Variants in TRMT2A observed in about 807,000 individuals in gnomAD.
The protein encoded by TRMT2A is tRNA methyltransferase 2A.
A neutral mutation model predicts 59.3 loss-of-function variants in TRMT2A; 60 were observed. The ratio of observed to expected loss-of-function variants is 1.01; its 90% CI spans 0.82 to 1.26. The LOEUF (loss-of-function observed/expected upper bound fraction) is 1.26, where lower values mean the gene tolerates loss of function less well. Among genes scored for constraint, TRMT2A ranks in the 50% most tolerant of loss-of-function variants. The pLI, the probability that TRMT2A is intolerant of heterozygous loss-of-function variation, is 0.00. For missense variants in TRMT2A, 863 were observed against 845.2 expected (o/e 1.02, Z -0.26); for synonymous variants, 403 against 353.7 (o/e 1.14, Z -1.56).
intron 9 of TRMT2A, 33 bp downstream of exon 9, chr22:20,113,399 A>T: frequency 1.4e-5 from 10 of 713,610 alleles, no homozygotes; most frequent in Non-Finnish European, 2.4e-5. Flanking sequence ...GGCTGCCCCC[A>T]TCCCCACCCC....
At chr22:20,114,379 C>G (rs1488998660) in intron 7 of TRMT2A, among the ~76,000 whole-genome samples, 195 bp downstream of exon 7, 1 of 152,244 alleles carries the variant, frequency 6.6e-6, no homozygotes, top group African/African-American at 2.4e-5. Context: ...AGGGCCACTG[C>G]CGTGTGTACC....
At position 20,115,262 on chromosome 22, in the gene TRMT2A, T is replaced by C. The variant is rs745493313; in HGVS notation, c.890+4A>G. Reference sequence around the variant, plus strand: ...TTCCCGGGAGCCCCGTCACAGGTCCTCACCGGATGAACTCCTGGAAGGCCT... The same window carrying C: ...TTCCCGGGAGCCCCGTCACAGGTCCCCACCGGATGAACTCCTGGAAGGCCT... On this transcript the variant is annotated splice_donor_region_variant and intron_variant, in intron 4 of 11. Coordinates refer to ENST00000252136, the MANE Select transcript of TRMT2A (RefSeq NM_022727.6). The C allele has an allele frequency of 3.1e-6, 5 of 1,609,878 alleles. No homozygotes were observed. Among genetic ancestry groups the C allele is most frequent in the African/African-American group, 1.3e-5 (1 of 74,856 alleles).
At chr22:20,116,716 A>G in intron 1 of TRMT2A, 104 bp from the exon 2 acceptor site, 1 of 1,435,260 alleles carries the variant, frequency 7.0e-7, no homozygotes, top group East Asian at 2.5e-5. Context: ...TGCACTCTGC[A>G]CTCAGCCCTG....
chr22:20,115,874 T>C, intron 2 of TRMT2A, 94 bp from the exon 3 acceptor site: 2 of 1,409,382 alleles, frequency 1.4e-6, no homozygotes, highest in African/African-American at 1.4e-5. Context: ...GACCCCTCCT[T>C]TGGGATGTCA....
Position 20,113,329 on chromosome 22 carries a change from C to T in TRMT2A, c.1433-95G>A. Reference sequence around the variant, plus strand: ...CCTAGCCAAAGAGCTTGCTCACTTGCTCTACCTGTCGGGCAGCCCCCAAGC... The same window carrying T: ...CCTAGCCAAAGAGCTTGCTCACTTGTTCTACCTGTCGGGCAGCCCCCAAGC... On this transcript the variant is annotated intron_variant, in intron 9 of 11. Transcript: ENST00000252136. The T allele has an allele frequency of 2.6e-6, 4 of 1,518,542 alleles. 1 individual carries two copies. The South Asian group carries it at 5.1e-5, about 19-fold the overall frequency. The allele number at this position is 1,518,542 out of a possible 1,614,324, so 94.1% of individuals were successfully genotyped here. A position where few individuals can be genotyped will look rare whatever the true frequency, so the allele number is the denominator to read the frequency against.
Position 20,116,435 on chromosome 22 carries a change from A to C in TRMT2A, c.202T>G (p.Phe68Val). ...TCCAGTTTAAAGATCTCAGAGGTAAACAAGTCATCCCTGATGTAGCTGTAG... is the reference window on the plus strand; with the variant it reads ...TCCAGTTTAAAGATCTCAGAGGTAACCAAGTCATCCCTGATGTAGCTGTAG... Reference protein sequence around the residue: ...GLYSYIRDDLFTSEIFKLELQ... With the variant: ...GLYSYIRDDLVTSEIFKLELQ... The change falls in exon 2 of 12, where the codon TTT becomes GTT. Residue 68 changes from phenylalanine (F) to valine (V), a missense_variant. Transcript: ENST00000252136. 6.2e-7 allele frequency: 1 copy of C among 1,612,648 alleles called. No homozygotes were observed. The highest frequency in any genetic ancestry group is 1.7e-5 in the Admixed American group (1 of 60,016).
Position 20,114,586 on chromosome 22 carries a change from G to A in TRMT2A, c.1221C>T (p.His407=), listed in dbSNP as rs759327973. 9.3e-5 allele frequency: 150 copies of A among 1,613,488 alleles called. No homozygotes were observed. Among genetic ancestry groups the A allele is most frequent in the Middle Eastern group, 4.9e-4 (3 of 6,084 alleles). The part of the protein sequence containing the change: ...LLGLTFRISP[H]AFFQVNTPAA... ...GACTCATGGCTACCTGGAAGAAGGCGTGTGGAGAGATCCGGAAGGTCAGCC... is the reference window on the plus strand; with the variant it reads ...GACTCATGGCTACCTGGAAGAAGGCATGTGGAGAGATCCGGAAGGTCAGCC... The change falls in exon 7 of 12, where the codon CAC becomes CAT. Residue 407 remains histidine, a synonymous_variant. Coordinates refer to ENST00000252136, the MANE Select transcript of TRMT2A (RefSeq NM_022727.6).
In TRMT2A at chr22:20,114,982, C is replaced by T. The variant is rs2049965606; in HGVS notation, c.988G>A (p.Ala330Thr). The T allele has an allele frequency of 6.3e-7, 1 of 1,595,616 alleles. No homozygotes were observed. The highest frequency in any genetic ancestry group is 8.5e-7 in the Non-Finnish European group (1 of 1,172,662). The part of the protein sequence containing the change: ...TSRRHQAMAI[A>T]YFHPQKLSPE... ...GTTGAGACCTGGGGGTGGAAGTAGG[C>T]AATGGCCATGGCCTGGTGGCGGCGG... The change falls in exon 5 of 12, where the codon GCC (alanine) becomes ACC (threonine). Residue 330 changes from alanine to threonine, a missense_variant. Transcript: ENST00000252136.
rs753778096 is a variant in TRMT2A, at chr22:20,113,024, C to A, written c.1550-17G>T. 2 of 1,613,510 alleles carry A rather than the reference C, an allele frequency of 1.2e-6. No individual in the cohort carries two copies. The highest frequency in any genetic ancestry group is 2.2e-5 in the South Asian group (2 of 91,086). ...CCTTGGAATCTGAGGAGGCAAACAC[C>A]AGCTGGGTCCCCACAGCCAGAGAGT... On this transcript the variant is annotated splice_polypyrimidine_tract_variant and intron_variant, in intron 10 of 11. Transcript: ENST00000252136.
In TRMT2A at chr22:20,112,644, C is replaced by A. The variant is rs1377465688; in HGVS notation, c.1797G>T (p.Gly599=). ...TGGGTTGAGCTGGAGGGCTGTGGGGCCCCAAGACCCCTGTGCCATTGGGGT... is the reference window on the plus strand; with the variant it reads ...TGGGTTGAGCTGGAGGGCTGTGGGGACCCAAGACCCCTGTGCCATTGGGGT... ...VEHPNGTGVL[G]PHSPPAQPTP... is the part of the protein sequence containing the mutation. The change falls in exon 12 of 12, where the codon GGG becomes GGT. Residue 599 remains glycine (G), a synonymous_variant. Transcript: ENST00000252136. 2.5e-6 allele frequency: 4 copies of A among 1,611,934 alleles called. No individual in the cohort carries two copies. The East Asian group carries it at 8.9e-5, about 36-fold the overall frequency.
At position 20,116,165 on chromosome 22, in the gene TRMT2A, C is replaced by G. The variant is rs538521655; in HGVS notation, c.472G>C (p.Glu158Gln). The G allele has an allele frequency of 6.2e-7, 1 of 1,613,142 alleles. No homozygotes were observed. The highest frequency in any genetic ancestry group is 1.1e-5 in the South Asian group (1 of 91,074). ...GTTACTGGTGGCTCACTCTCACCCT[C>G]CTGTCGCCTCCTCCTGGCCATGGGG... ...ADPMARRRRQ[E>Q]GESEPPVTRV... Residue 158 changes from glutamate (E) to glutamine (Q), a missense_variant, in exon 2 of 12, where the codon GAG (glutamate) becomes CAG (glutamine). Transcript: ENST00000252136.
rs1245631315 is a variant in TRMT2A at position 20,112,443 on chromosome 22, C to T, written c.*120G>A. The T allele has an allele frequency of 6.1e-6, 8 of 1,310,202 alleles. No individual in the cohort carries two copies. In the African/African-American group the frequency reaches 7.5e-5, roughly 12 times the overall value. 81.2% of individuals were successfully genotyped at this position (1,310,202 alleles called of 1,614,324 possible). A position where few individuals can be genotyped will look rare whatever the true frequency, so the allele number is the denominator to read the frequency against. Reference sequence around the variant, plus strand: ...TAGCAGCAGGCCAATCCTGGTGGGGCACAGGGTTCTGTGCCCTTTGGCTGC... The same window carrying T: ...TAGCAGCAGGCCAATCCTGGTGGGGTACAGGGTTCTGTGCCCTTTGGCTGC... On this transcript the variant is annotated 3_prime_UTR_variant, in exon 12 of 12. Transcript: ENST00000252136.
Position 20,112,530 on chromosome 22 carries a change from C to T in TRMT2A, c.*33G>A, listed in dbSNP as rs748874454. 6.2e-7 allele frequency: 1 copy of T among 1,603,532 alleles called. No homozygotes were observed. The highest frequency in any genetic ancestry group is 1.1e-5 in the South Asian group (1 of 90,512). On this transcript the variant is annotated 3_prime_UTR_variant, in exon 12 of 12. Coordinates refer to ENST00000252136, the MANE Select transcript of TRMT2A (RefSeq NM_022727.6). The stretch of plus-strand genomic sequence containing the variant: ...CCCCGCCCCTGGGGCCCTGGGAGCC[C>T]TTCAGCTCCTGTCCCCATAATGGGT...
rs201632920 is a variant in TRMT2A, at chr22:20,116,280, A to G, written c.357T>C (p.Ala119=). ...PPCAFVTFRS[A]AERDKALRVL... ...CGCGCAGGGCCTTGTCCCTCTCTGC[A>G]GCGCTGCGGAATGTCACAAAGGCGC... The change falls in exon 2 of 12, where the codon GCT becomes GCC. Residue 119 remains alanine (A), a synonymous_variant. Transcript: ENST00000252136. 34 of 1,612,830 alleles carry G rather than the reference A, an allele frequency of 2.1e-5. No homozygotes were observed. Among genetic ancestry groups the G allele is most frequent in the Non-Finnish European group, 2.8e-5 (33 of 1,180,038 alleles).
Position 20,117,100 on chromosome 22 carries a change from C to T in TRMT2A, c.-194G>A, listed in dbSNP as rs1229706082. On this transcript the variant is annotated 5_prime_UTR_variant, in exon 1 of 12. Transcript: ENST00000252136. ...CCAGGCGGGGCGGGACTCGAACCTG[C>T]GATGCTCAGGTCCGGGTCTCAGGCT... The T allele has an allele frequency of 1.4e-6, 1 of 715,300 alleles. No homozygotes were observed. The highest frequency in any genetic ancestry group is 2.3e-6 in the Non-Finnish European group (1 of 437,356). 44.3% of individuals were successfully genotyped at this position (715,300 alleles called of 1,614,324 possible).
At chr22:20,115,468 A>AC in intron 3 of TRMT2A, 21 bp from the exon 4 acceptor site, 1 of 1,593,742 alleles carries the variant, frequency 6.3e-7, no homozygotes, top group Non-Finnish European at 8.6e-7. Context: ...AGAGAGCTGC[A>AC]CCTTACCCTG....
intron 7 of TRMT2A, 121 bp downstream of exon 7, chr22:20,114,453 G>T: frequency 1.2e-6 from 1 of 818,352 alleles, no homozygotes; most frequent in Non-Finnish European, 2.1e-6. Context: ...CTCCCCTGTG[G>T]CTCACCTGCC....
In TRMT2A at chr22:20,113,462, C is replaced by T; in HGVS notation, c.1402G>A (p.Glu468Lys). ...TCCTGGGCGTTCACCCGGGCGTCCTCCACAGCCTCTGGGCATAGCTCGACC... is the reference window on the plus strand; with the variant it reads ...TCCTGGGCGTTCACCCGGGCGTCCTTCACAGCCTCTGGGCATAGCTCGACC... The part of the protein sequence containing the change: ...IGVELCPEAV[E>K]DARVNAQDNE... Residue 468 changes from glutamate to lysine, a missense_variant, in exon 9 of 12, where the codon GAG (glutamate) becomes AAG (lysine). By Grantham distance (56) the Glu-to-Lys change is moderately conservative. Transcript: ENST00000252136. 1 of 1,613,246 alleles carries T rather than the reference C, an allele frequency of 6.2e-7. No individual in the cohort carries two copies. The highest frequency in any genetic ancestry group is 8.5e-7 in the Non-Finnish European group (1 of 1,179,892).
chr22:20,113,942 C>T (rs921153730), intron 7 of TRMT2A, 134 bp from the exon 8 acceptor site: 86 of 1,255,268 alleles, frequency 6.9e-5, no homozygotes, highest in Non-Finnish European at 8.3e-5. Context: ...TGCCCAACGT[C>T]TTCCCTGACC....
Sources: gnomAD v4.1 joint callset for allele counts (sites outside exome capture counted in the v4.1 genomes callset) on GRCh38, gnomAD v4.1.1 for gene constraint, MANE v1.5 for transcripts, NCBI Gene and HGNC (gene_info 2026-07-23, HGNC 2026-07-21) for gene names.